Variants in CHSY3 observed in about 807,000 individuals in gnomAD.
The protein encoded by CHSY3 is N-acetylgalactosaminyl-proteoglycan 3-beta-glucuronosyltransferase 3.
In CHSY3, 35 loss-of-function variants were observed where a neutral mutation model predicts 67.2. That is an observed-to-expected ratio of 0.52 (90% CI 0.40 to 0.69). The LOEUF is 0.69. CHSY3 is among the 30% of genes least tolerant of loss of function. CHSY3 has a pLI of 0.00. For synonymous variants in CHSY3, 474 were observed against 434.7 expected (o/e 1.09, Z -1.12); for missense variants, 1,069 against 1,138.5 (o/e 0.94, Z 0.88).
chr5:130,001,465 C>G, intron 2 of CHSY3: 1 of 929,366 alleles, frequency 1.1e-6, no homozygotes, highest in Non-Finnish European at 1.3e-6. Flanking sequence ...GTAGGCTTTG[C>G]TCCTTTGTGC....
At chr5:130,034,201 G>GTTT (rs34723660) in intron 2 of CHSY3, among the ~76,000 whole-genome samples, 22 of 151,900 alleles carry the variant, frequency 1.4e-4, no homozygotes, top group African/African-American at 2.2e-4. Context: ...CAGCAGTTAA[G>GTTT]TTTTTCTTTT....
intron 2 of CHSY3, among the ~76,000 whole-genome samples, chr5:130,167,726 A>T (rs1769789801): frequency 6.6e-6 from 1 of 152,150 alleles, no homozygotes; most frequent in Non-Finnish European, 1.5e-5. Flanking sequence ...AAACTAATAA[A>T]TTAGATATTC....
chr5:129,905,734 C>T, intron 1 of CHSY3, 103 bp downstream of exon 1: 2 of 1,528,112 alleles, frequency 1.3e-6, no homozygotes, highest in Non-Finnish European at 1.8e-6. Context: ...TCTCTGCCAG[C>T]ACGTGCTTCG....
chr5:130,170,772 G>C (rs1297603581), intron 2 of CHSY3, among the ~76,000 whole-genome samples: 1 of 151,228 alleles, frequency 6.6e-6, no homozygotes, highest in Non-Finnish European at 1.5e-5. Context: ...TTTGTTGGCT[G>C]TTTGTATTTC....
chr5:130,141,261 A>G (rs781454131), intron 2 of CHSY3: 2 of 461,378 alleles, frequency 4.3e-6, no homozygotes, highest in African/African-American at 2.1e-5. Context: ...GACTGTCCTC[A>G]TTAAGCATAA....
chr5:130,145,811 A>G (rs1228125519), intron 2 of CHSY3, among the ~76,000 whole-genome samples: 1 of 152,196 alleles, frequency 6.6e-6, no homozygotes, highest in East Asian at 1.9e-4. Flanking sequence ...GACATTTCTA[A>G]AAGAAGACAT....
chr5:130,128,229 G>GTGTGTGTGTGT (rs1554084699), intron 2 of CHSY3, among the ~76,000 whole-genome samples: 12 of 147,368 alleles, frequency 8.1e-5, no homozygotes, highest in African/African-American at 3.0e-4. Flanking sequence ...AAGAAAATGT[G>GTGTGTGTGTGT]GTGTGTGTGT....
intron 2 of CHSY3, among the ~76,000 whole-genome samples, chr5:130,182,903 C>T (rs764714734): frequency 1.5e-4 from 23 of 151,518 alleles, no homozygotes; most frequent in Non-Finnish European, 2.8e-4. Flanking sequence ...CTTAGCCCTG[C>T]CAGTTTACTT....
chr5:129,992,441 A>T (rs1763396806), intron 2 of CHSY3, among the ~76,000 whole-genome samples: 1 of 152,306 alleles, frequency 6.6e-6, no homozygotes, highest in Non-Finnish European at 1.5e-5. Context: ...TGCTCTTTTT[A>T]ATTACCAAAG....
At chr5:130,076,037 G>A (rs575059880) in intron 2 of CHSY3, among the ~76,000 whole-genome samples, 1 of 152,166 alleles carries the variant, frequency 6.6e-6, no homozygotes, top group African/African-American at 2.4e-5. Context: ...TGTCTTCTTT[G>A]AAACTATACT....
intron 2 of CHSY3, among the ~76,000 whole-genome samples, chr5:129,958,255 A>G (rs951772124): frequency 6.6e-6 from 1 of 151,982 alleles, no homozygotes; most frequent in African/African-American, 2.4e-5. Flanking sequence ...CTTGGTTTTC[A>G]TCTCATATTT....
chr5:130,017,920 T>C (rs1764260091), intron 2 of CHSY3, among the ~76,000 whole-genome samples: 2 of 152,142 alleles, frequency 1.3e-5, no homozygotes, highest in African/African-American at 4.8e-5. Context: ...AGAAACCTCT[T>C]TGAACAAGGA....
At chr5:130,035,886 G>GTTGTTTTTTTTTTTTTTTTTTTTTTT (rs1377594112) in intron 2 of CHSY3, among the ~76,000 whole-genome samples, 1 of 65,532 alleles carries the variant, frequency 1.5e-5, no homozygotes, top group Admixed American at 1.7e-4. Flanking sequence ...TCATTTGGTT[G>GTTGTTTTTTTTTTTTTTTTTTTTTTT]TTTTTTTTTT....
intron 2 of CHSY3, among the ~76,000 whole-genome samples, chr5:130,131,449 C>T (rs530761900): frequency 6.6e-6 from 1 of 152,178 alleles, no homozygotes; most frequent in East Asian, 1.9e-4. Context: ...CCTTGAAATG[C>T]CTTACATTTT....
intron 2 of CHSY3, among the ~76,000 whole-genome samples, chr5:130,115,673 G>A (rs1005389062): frequency 6.6e-6 from 1 of 152,094 alleles, no homozygotes; most frequent in Non-Finnish European, 1.5e-5. Context: ...CTAATTTAGG[G>A]CCCAATTATT....
intron 2 of CHSY3, among the ~76,000 whole-genome samples, chr5:129,963,776 G>C (rs1463388600): frequency 6.6e-6 from 1 of 151,664 alleles, no homozygotes; most frequent in Non-Finnish European, 1.5e-5. Context: ...GCTAATCTTG[G>C]GTCCTATATA....
Position 129,905,338 on chromosome 5 carries a change from G to A in CHSY3, c.509G>A (p.Arg170Gln), listed in dbSNP as rs1760232064. The A allele has an allele frequency of 6.5e-7, 1 of 1,548,308 alleles. No individual in the cohort carries two copies. Among genetic ancestry groups the A allele is most frequent in the Non-Finnish European group, 8.7e-7 (1 of 1,150,528 alleles). Residue 170 changes from arginine to glutamine, a missense_variant, in exon 1 of 3, where the codon CGG becomes CAG. Arg to Gln is a conservative substitution (Grantham distance 43). Transcript: ENST00000305031. ...GGAAAPSARPRDFLYVGVMTA... is the reference protein window; with the variant it reads ...GGAAAPSARPQDFLYVGVMTA... ...GCTGCCGCCCCGAGCGCCCGACCCC[G>A]GGACTTCCTGTACGTGGGGGTGATG... is the stretch of plus-strand genomic sequence containing the variant.
chr5:130,115,742 A>G (rs971700879), intron 2 of CHSY3, among the ~76,000 whole-genome samples: 3 of 152,198 alleles, frequency 2.0e-5, no homozygotes, highest in Non-Finnish European at 2.9e-5. Flanking sequence ...CAGACAACCA[A>G]AAACAAAGCG....
intron 2 of CHSY3, among the ~76,000 whole-genome samples, chr5:129,952,075 T>A (rs776268201): frequency 1.3e-5 from 2 of 152,120 alleles, no homozygotes; most frequent in Non-Finnish European, 2.9e-5. Flanking sequence ...CCATAAATAT[T>A]CAAGGCAGGA....
Sources: gnomAD v4.1 joint callset for allele counts (sites outside exome capture counted in the v4.1 genomes callset) on GRCh38, gnomAD v4.1.1 for gene constraint, MANE v1.5 for transcripts, NCBI Gene and HGNC (gene_info 2026-07-23, HGNC 2026-07-21) for gene names.